The following WHAMM variants were observed in gnomAD, a reference collection of about 807,000 sequenced individuals.
The protein encoded by WHAMM is WASP homolog associated with actin, golgi membranes and microtubules.
In WHAMM, 67 loss-of-function variants were observed where a neutral mutation model predicts 76.5. That is an observed-to-expected ratio of 0.88 (90% CI 0.72 to 1.07). The LOEUF is 1.07. Ranked by LOEUF, WHAMM falls within the 50% of genes least tolerant of loss-of-function variation. WHAMM has a pLI of 0.00. For synonymous variants in WHAMM, 419 were observed against 422.1 expected, an observed-to-expected ratio of 0.99 and a Z score of 0.09; for missense variants, 1,021 against 1,051.1, an observed-to-expected ratio of 0.97 and a Z score of 0.40.
chr15:82,822,822 G>T (rs923986170), intron 5 of WHAMM, among the ~76,000 whole-genome samples: 1 of 151,484 alleles, frequency 6.6e-6, no homozygotes, highest in Admixed American at 6.6e-5. Context: ...GTGTGTGTGT[G>T]TGTATATATA....
chr15:82,815,185 A>G (rs1487623025), intron 2 of WHAMM, among the ~76,000 whole-genome samples: 4 of 129,560 alleles, frequency 3.1e-5, no homozygotes, highest in Non-Finnish European at 6.3e-5. Flanking sequence ...AGTATATTCA[A>G]AGTTGTGCAG....
At chr15:82,825,980 G>A (rs558870871) in intron 6 of WHAMM, among the ~76,000 whole-genome samples, 13 of 152,330 alleles carry the variant, frequency 8.5e-5, no homozygotes, top group Middle Eastern at 6.8e-3. Context: ...TATTGGTACA[G>A]TGCGTGGTTA....
chr15:82,821,425 G>A (rs1180461000), intron 5 of WHAMM, among the ~76,000 whole-genome samples: 1 of 152,094 alleles, frequency 6.6e-6, no homozygotes, highest in Non-Finnish European at 1.5e-5. Context: ...TATTTTGATT[G>A]TCGTAGGAAT....
Position 82,826,862 on chromosome 15 carries a change from A to AG in WHAMM, c.1641+16_1641+17insG. On this transcript the variant is annotated intron_variant, in intron 8 of 9. Coordinates refer to ENST00000286760, the MANE Select transcript of WHAMM (RefSeq NM_001080435.3). ...ATTTAAAGATGTAAGTTCTATAAAC[A>AG]ATCACCTCATCTACACTTCTGGGGA... 5.3e-6 allele frequency: 8 copies of AG among 1,512,992 alleles called. No individual in the cohort carries two copies. Among genetic ancestry groups the AG allele is most frequent in the South Asian group, 2.6e-5 (2 of 77,082 alleles). 93.7% of individuals were successfully genotyped at this position (1,512,992 alleles called of 1,614,324 possible). A position where few individuals can be genotyped will look rare whatever the true frequency, so the allele number is the denominator to read the frequency against.
intron 9 of WHAMM, 129 bp from the exon 10 acceptor site, chr15:82,833,100 C>CTTAATGAAG (rs2051059094): frequency 9.1e-7 from 1 of 1,104,620 alleles, no homozygotes; most frequent in South Asian, 1.6e-5. Flanking sequence ...AAGGCATTTG[C>CTTAATGAAG]TTAATGAAGT....
chr15:82,831,795 T>C (rs2051036651), intron 9 of WHAMM, among the ~76,000 whole-genome samples: 1 of 152,222 alleles, frequency 6.6e-6, no homozygotes, highest in Admixed American at 6.5e-5. Flanking sequence ...GGGGGGTATG[T>C]GTGTGCACTT....
chr15:82,817,403 T>TA (rs1461303262), intron 3 of WHAMM, among the ~76,000 whole-genome samples: 3 of 152,178 alleles, frequency 2.0e-5, no homozygotes, highest in Non-Finnish European at 4.4e-5. Flanking sequence ...GACTTTTTTT[T>TA]AGTCTTAAAT....
chr15:82,810,097 T>C lies in WHAMM; in HGVS notation c.371T>C (p.Leu124Pro), dbSNP rs2050600317. The C allele has an allele frequency of 2.3e-6, 3 of 1,278,602 alleles. No homozygotes were observed. Among genetic ancestry groups the C allele is most frequent in the East Asian group, 7.1e-5 (2 of 28,092 alleles). 79.2% of individuals were successfully genotyped at this position (1,278,602 alleles called of 1,614,324 possible). A position where few individuals can be genotyped will look rare whatever the true frequency, so the allele number is the denominator to read the frequency against. Reference protein sequence around the residue: ...VGGGGAWGLGLGLWALLWPTR... With the variant: ...VGGGGAWGLGPGLWALLWPTR... ...GGCGGCGGGGCCTGGGGTCTGGGGC[T>C]CGGGCTGTGGGCGCTGCTGTGGCCG... Residue 124 changes from leucine (L) to proline (P), a missense_variant, in exon 1 of 10, where the codon CTC (leucine) becomes CCC (proline). By Grantham distance (98) the Leu-to-Pro change is moderately conservative. This residue lies in a region of WHAMM where 501 missense variants were observed against 524.9 expected (regional missense o/e 0.95). Transcript: ENST00000286760.
chr15:82,810,387 A>G, intron 1 of WHAMM, 52 bp downstream of exon 1: 2 of 1,251,478 alleles, frequency 1.6e-6, no homozygotes, highest in Non-Finnish European at 2.0e-6. Flanking sequence ...GGCCTGGGAC[A>G]CTGTGGGAGG....
chr15:82,829,179 G>A (rs546572502), intron 8 of WHAMM, among the ~76,000 whole-genome samples: 1 of 152,306 alleles, frequency 6.6e-6, no homozygotes, highest in East Asian at 1.9e-4. Context: ...TGCAATATAA[G>A]GCAGAACTCG....
In WHAMM at chr15:82,813,116, A is replaced by C; in HGVS notation, c.623A>C (p.His208Pro). Residue 208 changes from histidine (H) to proline (P), a missense_variant, in exon 2 of 10, where the codon CAC (histidine) becomes CCC (proline). Coordinates refer to ENST00000286760, the MANE Select transcript of WHAMM (RefSeq NM_001080435.3). ...TTTGCTTTCTAGGTTATTCAAGGAC[A>C]CGGAAAAGCCAACACCATGGTAGCA... ...DARLRQVIQG[H>P]GKANTMVALM... 1 of 1,602,060 alleles carries C rather than the reference A, an allele frequency of 6.2e-7. No homozygotes were observed. Among genetic ancestry groups the C allele is most frequent in the East Asian group, 2.2e-5 (1 of 44,806 alleles).
intron 6 of WHAMM, among the ~76,000 whole-genome samples, chr15:82,825,042 T>A (rs980063873): frequency 6.6e-6 from 1 of 152,114 alleles, no homozygotes; most frequent in African/African-American, 2.4e-5. Context: ...GGAGGATCGC[T>A]TGAAGCCAGG....
At chr15:82,833,156 A>G (rs574840969) in intron 9 of WHAMM, 73 bp from the exon 10 acceptor site, 72 of 1,474,448 alleles carry the variant, frequency 4.9e-5, no homozygotes, top group Middle Eastern at 3.6e-4. Context: ...AGATTTCACA[A>G]TTTCATAGCA....
intron 8 of WHAMM, among the ~76,000 whole-genome samples, chr15:82,827,949 A>G (rs1049652800): frequency 4.0e-5 from 6 of 150,414 alleles, no homozygotes; most frequent in Non-Finnish European, 7.4e-5. Flanking sequence ...TTCTGTCTCA[A>G]AAAAAAAAAG....
At chr15:82,823,043 C>T in intron 5 of WHAMM, 57 bp from the exon 6 acceptor site, 2 of 1,247,352 alleles carry the variant, frequency 1.6e-6, no homozygotes, top group South Asian at 3.2e-5. Flanking sequence ...TAAAAAAATT[C>T]AATGCATTTT....
Position 82,813,167 on chromosome 15 carries a change from A to G in WHAMM, c.674A>G (p.Asp225Gly), listed in dbSNP as rs776006806. Residue 225 changes from aspartate (D) to glycine (G), a missense_variant, in exon 2 of 10, where the codon GAT becomes GGT. Transcript: ENST00000286760. The part of the protein sequence containing the change: ...VALMNVYQEE[D>G]EAYQELVTVA... ...TTAATGAACGTTTACCAAGAGGAAG[A>G]TGAAGCATACCAGGAATTGGTTACC... 18 of 1,612,932 alleles carry G rather than the reference A, an allele frequency of 1.1e-5. No individual in the cohort carries two copies. The Middle Eastern group carries it at 8.4e-4, about 76-fold the overall frequency.
intron 8 of WHAMM, 29 bp downstream of exon 8, chr15:82,826,875 A>C: frequency 6.5e-7 from 1 of 1,533,120 alleles, no homozygotes; most frequent in Admixed American, 2.2e-5. Flanking sequence ...CACCTCATCT[A>C]CACTTCTGGG....
intron 1 of WHAMM, 173 bp downstream of exon 1, chr15:82,810,508 C>T (rs2050610313): frequency 3.0e-6 from 3 of 985,314 alleles, no homozygotes; most frequent in East Asian, 1.1e-4. Context: ...TGCGGGAAAC[C>T]GGCGGGAGCT....
Position 82,830,703 on chromosome 15 carries a change from G to A in WHAMM, c.1746G>A (p.Ala582=), listed in dbSNP as rs371290123. The change falls in exon 9 of 10, where the codon GCG becomes GCA. Residue 582 remains alanine (A), a synonymous_variant. Coordinates refer to ENST00000286760, the MANE Select transcript of WHAMM (RefSeq NM_001080435.3). ...SQQMCLPASH[A]VSVIHPSSRK... ...AGATGTGCTTGCCAGCTTCCCACGCGGTGTCAGTAATTCACCCGTCCTCTA... is the reference window on the plus strand; with the variant it reads ...AGATGTGCTTGCCAGCTTCCCACGCAGTGTCAGTAATTCACCCGTCCTCTA... 3.1e-6 allele frequency: 5 copies of A among 1,613,740 alleles called. No individual in the cohort carries two copies. The highest frequency in any genetic ancestry group is 2.7e-5 in the African/African-American group (2 of 74,874).
Sources: gnomAD v4.1 joint callset for allele counts (sites outside exome capture counted in the v4.1 genomes callset) on GRCh38, gnomAD v4.1.1 for gene constraint, gnomAD v4.1.1 regional missense constraint, MANE v1.5 for transcripts, NCBI Gene and HGNC (gene_info 2026-07-23, HGNC 2026-07-21) for gene names.